ARIH1: variants seen among roughly 807,000 people sequenced by gnomAD.
The protein encoded by ARIH1 is E3 ubiquitin-protein ligase ARIH1.
Under a neutral mutation model 85.0 loss-of-function variants are expected in ARIH1, and 8 were observed. That is an observed-to-expected ratio of 0.09 (90% CI 0.06 to 0.17). The LOEUF (loss-of-function observed/expected upper bound fraction) is 0.17. ARIH1 is among the 10% of genes least tolerant of loss of function. The pLI, the probability that ARIH1 is intolerant of heterozygous loss-of-function variation, is 1.00. For missense variants in ARIH1, 311 were observed against 718.1 expected (o/e 0.43, Z 6.48); for synonymous variants, 238 against 253.6 (o/e 0.94, Z 0.59).
chr15:72,561,561 GT>G lies in ARIH1; in HGVS notation c.804+16del. 1 of 1,474,678 alleles carries G rather than the reference GT, an allele frequency of 6.8e-7. No homozygotes were observed. The highest frequency in any genetic ancestry group is 9.3e-7 in the Non-Finnish European group (1 of 1,076,302). The allele number at this position is 1,474,678 out of a possible 1,614,324, so 91.3% of individuals were successfully genotyped here. On this transcript the variant is annotated intron_variant, in intron 6 of 13. Transcript: ENST00000379887. ...ATAGCTTTGTAGAGGTAAGTGATTT[GT>G]TTTCCTTCTTGTAAGAAGGAATTCT... is the stretch of plus-strand genomic sequence containing the variant.
At chr15:72,578,049 G>T (rs910096507) in intron 11 of ARIH1, among the ~76,000 whole-genome samples, 1 of 152,132 alleles carries the variant, frequency 6.6e-6, no homozygotes, top group East Asian at 1.9e-4. Context: ...TGCTTCTTTA[G>T]TGTCTTCTTC....
At chr15:72,519,013 C>T (rs532638982) in intron 2 of ARIH1, among the ~76,000 whole-genome samples, 6 of 151,900 alleles carry the variant, frequency 3.9e-5, no homozygotes, top group Non-Finnish European at 7.4e-5. Context: ...ATTAGTGGGA[C>T]TGGAGAATGA....
intron 1 of ARIH1, among the ~76,000 whole-genome samples, chr15:72,501,319 A>C (rs1317841782): frequency 6.6e-6 from 1 of 152,240 alleles, no homozygotes; most frequent in East Asian, 1.9e-4. Context: ...CTCTTTTAAA[A>C]TAAAGTTAGA....
intron 7 of ARIH1, 110 bp from the exon 8 acceptor site, chr15:72,566,453 T>C: frequency 1.1e-6 from 1 of 894,538 alleles, no homozygotes. Flanking sequence ...TGCCAGTCAC[T>C]AGAAACTAGT....
chr15:72,536,779 C>A (rs746225942), intron 2 of ARIH1, among the ~76,000 whole-genome samples: 12 of 152,098 alleles, frequency 7.9e-5, no homozygotes, highest in African/African-American at 4.8e-5. Flanking sequence ...TTTGTGCTGC[C>A]ACTTGGAAGT....
At chr15:72,568,192 A>G (rs1418400225) in intron 9 of ARIH1, among the ~76,000 whole-genome samples, 2 of 151,716 alleles carry the variant, frequency 1.3e-5, no homozygotes, top group East Asian at 3.8e-4. Context: ...AACTCACGTC[A>G]ATCAAAGAAA....
At chr15:72,555,765 C>T in intron 4 of ARIH1, 87 bp from the exon 5 acceptor site, 2 of 1,117,520 alleles carry the variant, frequency 1.8e-6, no homozygotes, top group Non-Finnish European at 2.7e-6. Flanking sequence ...TTAAGGTATT[C>T]CCAGAACCTA....
chr15:72,573,165 A>C, intron 11 of ARIH1, among the ~76,000 whole-genome samples: 1 of 152,344 alleles, frequency 6.6e-6, no homozygotes, highest in South Asian at 2.1e-4. Context: ...TATCTTCAAA[A>C]TGTATTTCTA....
At chr15:72,531,642 C>T (rs1310365572) in intron 2 of ARIH1, among the ~76,000 whole-genome samples, 2 of 152,100 alleles carry the variant, frequency 1.3e-5, no homozygotes, top group South Asian at 2.1e-4. Context: ...CAATGAGATA[C>T]AAGAAAGGCT....
At chr15:72,559,452 A>G (rs2064188613) in intron 5 of ARIH1, among the ~76,000 whole-genome samples, 1 of 151,980 alleles carries the variant, frequency 6.6e-6, no homozygotes, top group African/African-American at 2.4e-5. Flanking sequence ...TTGTATTTTT[A>G]GTAGAGACGA....
At chr15:72,477,080 T>A (rs922074656) in intron 1 of ARIH1, among the ~76,000 whole-genome samples, 3 of 152,224 alleles carry the variant, frequency 2.0e-5, no homozygotes, top group African/African-American at 7.2e-5. Flanking sequence ...AAGAATTTGC[T>A]CATTTTCAAT....
At chr15:72,535,850 G>GT (rs1487976056) in intron 2 of ARIH1, among the ~76,000 whole-genome samples, 1 of 152,098 alleles carries the variant, frequency 6.6e-6, no homozygotes, top group African/African-American at 2.4e-5. Flanking sequence ...AGTAAAAATA[G>GT]TTTTTTAAAA....
chr15:72,563,921 C>T (rs902044905), intron 7 of ARIH1, among the ~76,000 whole-genome samples: 1 of 152,148 alleles, frequency 6.6e-6, no homozygotes, highest in Non-Finnish European at 1.5e-5. Context: ...TGGCTCCTCT[C>T]GCCCAGCTTT....
At chr15:72,482,274 A>T (rs1342190852) in intron 1 of ARIH1, among the ~76,000 whole-genome samples, 4 of 152,192 alleles carry the variant, frequency 2.6e-5, no homozygotes, top group African/African-American at 9.7e-5. Context: ...AGAGATATAA[A>T]GTCCTGGATA....
chr15:72,575,506 G>A (rs2064266712), intron 11 of ARIH1, among the ~76,000 whole-genome samples: 1 of 141,974 alleles, frequency 7.0e-6, no homozygotes, highest in Non-Finnish European at 1.5e-5. Context: ...AGCCATGGTT[G>A]TGCCACTGCA....
intron 1 of ARIH1, chr15:72,475,307 C>A: frequency 2.2e-6 from 1 of 456,666 alleles, no homozygotes; most frequent in Non-Finnish European, 3.6e-6. Context: ...GTCCCTGGGC[C>A]GGGTGTCCTT....
intron 5 of ARIH1, among the ~76,000 whole-genome samples, chr15:72,556,444 A>T (rs926183497): frequency 2.0e-5 from 3 of 152,238 alleles, no homozygotes; most frequent in African/African-American, 7.2e-5. Flanking sequence ...TACACTTGAT[A>T]TGCTCAGTTG....
intron 1 of ARIH1, among the ~76,000 whole-genome samples, chr15:72,477,198 G>C (rs951084796): frequency 1.3e-5 from 2 of 152,010 alleles, no homozygotes; most frequent in Non-Finnish European, 2.9e-5. Context: ...ATGTTTATTG[G>C]GCTTGGTATT....
Position 72,591,820 on chromosome 15 carries a change from T to C in ARIH1, c.*8528T>C, listed in dbSNP as rs1447838355. On this transcript the variant is annotated 3_prime_UTR_variant, in exon 14 of 14. Coordinates refer to ENST00000379887, the MANE Select transcript of ARIH1 (RefSeq NM_005744.5). Reference sequence around the variant, plus strand: ...TCTTCCTGGTATGAACAAAGATGTTTGCTTGTTAATAAATTCCTACCACAT... The same window carrying C: ...TCTTCCTGGTATGAACAAAGATGTTCGCTTGTTAATAAATTCCTACCACAT... 1.3e-5 allele frequency: 2 copies of C among 152,240 alleles called. No individual in the cohort carries two copies. The highest frequency in any genetic ancestry group is 2.9e-5 in the Non-Finnish European group (2 of 68,046). 9.4% of individuals were successfully genotyped at this position (152,240 alleles called of 1,614,324 possible).
Sources: allele counts gnomAD v4.1 joint callset (sites outside exome capture counted in the v4.1 genomes callset), GRCh38; gene constraint gnomAD v4.1.1; transcripts MANE v1.5; gene names NCBI Gene and HGNC (gene_info 2026-07-23, HGNC 2026-07-21).